The following POU6F2 variants were observed in gnomAD, a reference collection of about 807,000 sequenced individuals.
The protein encoded by POU6F2 is POU class 6 homeobox 2, also known as POU domain, class 6, transcription factor 2.
A neutral mutation model predicts 71.3 loss-of-function variants in POU6F2; 31 were observed. The ratio of observed to expected loss-of-function variants is 0.43; its 90% CI spans 0.33 to 0.59. The LOEUF is 0.59. Among genes scored for constraint, POU6F2 ranks in the 20% least tolerant of loss-of-function variants. The pLI is 0.04. For synonymous variants in POU6F2, 347 were observed against 355.7 expected (o/e 0.98, Z 0.27); for missense variants, 783 against 856.8 (o/e 0.91, Z 1.07).
intron 4 of POU6F2, among the ~76,000 whole-genome samples, chr7:39,302,747 T>C (rs1488043929): frequency 6.6e-6 from 1 of 152,264 alleles, no homozygotes; most frequent in Non-Finnish European, 1.5e-5. Flanking sequence ...CTTCATCGCT[T>C]GAGCATCTAT....
chr7:39,195,857 A>G (rs956236778), intron 2 of POU6F2, among the ~76,000 whole-genome samples: 7 of 152,132 alleles, frequency 4.6e-5, no homozygotes, highest in Admixed American at 2.0e-4. Flanking sequence ...TAATGCAGGT[A>G]GCAGGTAAGA....
At chr7:39,380,959 T>G (rs888891271) in intron 5 of POU6F2, among the ~76,000 whole-genome samples, 4 of 152,148 alleles carry the variant, frequency 2.6e-5, no homozygotes, top group Non-Finnish European at 4.4e-5. Context: ...GTCCTTAGAT[T>G]ATCTCATCCC....
intron 1 of POU6F2, among the ~76,000 whole-genome samples, chr7:39,044,128 C>G (rs2128712525): frequency 6.6e-6 from 1 of 151,962 alleles, no homozygotes; most frequent in East Asian, 1.9e-4. Flanking sequence ...GATTCTTACG[C>G]ACAGGAGAGT....
intron 2 of POU6F2, among the ~76,000 whole-genome samples, chr7:39,202,084 A>G (rs1290760020): frequency 6.6e-6 from 1 of 152,232 alleles, no homozygotes; most frequent in Non-Finnish European, 1.5e-5. Context: ...GTTTTTGAGA[A>G]TTAACCAGCC....
intron 4 of POU6F2, among the ~76,000 whole-genome samples, chr7:39,253,685 G>A (rs745513289): frequency 6.6e-6 from 1 of 152,114 alleles, no homozygotes; most frequent in Non-Finnish European, 1.5e-5. Flanking sequence ...GGAGGGTCGG[G>A]TAGAGGAGGG....
At chr7:39,033,719 G>A (rs1789998994) in intron 1 of POU6F2, among the ~76,000 whole-genome samples, 1 of 152,196 alleles carries the variant, frequency 6.6e-6, no homozygotes, top group South Asian at 2.1e-4. Context: ...GCAGTCCCTT[G>A]AAACTTACAC....
intron 4 of POU6F2, among the ~76,000 whole-genome samples, chr7:39,321,768 G>A (rs1284081116): frequency 1.3e-5 from 2 of 151,926 alleles, no homozygotes; most frequent in Non-Finnish European, 2.9e-5. Context: ...AAGGAGAGAA[G>A]ATGCATTGGA....
chr7:39,452,815 G>A (rs886978965), intron 8 of POU6F2, among the ~76,000 whole-genome samples: 4 of 152,316 alleles, frequency 2.6e-5, no homozygotes, highest in Non-Finnish European at 2.9e-5. Context: ...CAGGTAGGCC[G>A]GGCACAGTGG....
At chr7:39,111,694 G>T (rs1034284107) in intron 2 of POU6F2, among the ~76,000 whole-genome samples, 5 of 152,118 alleles carry the variant, frequency 3.3e-5, no homozygotes, top group African/African-American at 1.2e-4. Context: ...CGTTCAGTTT[G>T]GACAGTGGAG....
At chr7:39,142,866 T>TA (rs1483891725) in intron 2 of POU6F2, among the ~76,000 whole-genome samples, 1 of 152,214 alleles carries the variant, frequency 6.6e-6, no homozygotes, top group African/African-American at 2.4e-5. Flanking sequence ...TTTGAAACAT[T>TA]AAAAAACATG....
At chr7:39,286,233 G>A (rs894553910) in intron 4 of POU6F2, among the ~76,000 whole-genome samples, 2 of 152,136 alleles carry the variant, frequency 1.3e-5, no homozygotes, top group African/African-American at 4.8e-5. Flanking sequence ...ACATTACATA[G>A]ATTCAAAGAC....
intron 7 of POU6F2, among the ~76,000 whole-genome samples, chr7:39,449,913 T>C (rs183507779): frequency 2.3e-3 from 346 of 152,140 alleles, no homozygotes; most frequent in South Asian, 3.9e-3. Context: ...GAATCCAGAG[T>C]GACAGAAATC....
At chr7:39,056,898 C>T (rs926900506) in intron 1 of POU6F2, among the ~76,000 whole-genome samples, 76 of 152,176 alleles carry the variant, frequency 5.0e-4, no homozygotes, top group African/African-American at 1.8e-3. Context: ...GTGGAATGCT[C>T]CCTGAAAACA....
At chr7:39,449,910 G>C (rs1043107157) in intron 7 of POU6F2, among the ~76,000 whole-genome samples, 1 of 152,136 alleles carries the variant, frequency 6.6e-6, no homozygotes, top group Non-Finnish European at 1.5e-5. Context: ...AATGAATCCA[G>C]AGTGACAGAA....
At chr7:39,114,405 A>C (rs1288827596) in intron 2 of POU6F2, among the ~76,000 whole-genome samples, 3 of 152,128 alleles carry the variant, frequency 2.0e-5, no homozygotes, top group African/African-American at 7.2e-5. Flanking sequence ...GTGAGTCTTA[A>C]AACCCCTTTA....
intron 4 of POU6F2, among the ~76,000 whole-genome samples, chr7:39,253,765 A>G (rs1379704999): frequency 2.6e-5 from 4 of 152,160 alleles, no homozygotes; most frequent in Non-Finnish European, 5.9e-5. Context: ...ACTGCAAAGA[A>G]ACTTCTATTT....
intron 5 of POU6F2, among the ~76,000 whole-genome samples, chr7:39,346,475 T>C (rs1786035111): frequency 6.6e-6 from 1 of 152,296 alleles, no homozygotes; most frequent in Non-Finnish European, 1.5e-5. Context: ...AGAGAACCAC[T>C]CTGATCCTGA....
intron 1 of POU6F2, among the ~76,000 whole-genome samples, chr7:38,997,112 C>G (rs1229020): frequency 0.31 from 47,317 of 152,036 alleles, 7,587 homozygotes; most frequent in Middle Eastern, 0.38. Flanking sequence ...CAGTGGGGCT[C>G]TCACTGAAAC....
intron 4 of POU6F2, among the ~76,000 whole-genome samples, chr7:39,298,896 T>C (rs918674376): frequency 1.3e-5 from 2 of 151,960 alleles, no homozygotes; most frequent in Non-Finnish European, 2.9e-5. Flanking sequence ...CTCAGCAAAC[T>C]AACACAGGAG....
Sources: gnomAD v4.1 joint callset for allele counts (sites outside exome capture counted in the v4.1 genomes callset) on GRCh38, gnomAD v4.1.1 for gene constraint, MANE v1.5 for transcripts, NCBI Gene and HGNC (gene_info 2026-07-23, HGNC 2026-07-21) for gene names.